Variants in DCC observed in about 807,000 individuals in gnomAD.
DCC encodes the protein DCC netrin 1 receptor.
Under a neutral mutation model 172.5 loss-of-function variants are expected in DCC, and 58 were observed. That is an observed-to-expected ratio of 0.34 (90% CI 0.27 to 0.42). DCC has a LOEUF of 0.42. Ranked by LOEUF, DCC falls within the 10% of genes least tolerant of loss-of-function variation. DCC has a pLI of 1.00. For missense variants in DCC, 1,740 were observed against 1,791.0 expected, an observed-to-expected ratio of 0.97 and a Z score of 0.51; for synonymous variants, 709 against 644.5, an observed-to-expected ratio of 1.10 and a Z score of -1.52.
At chr18:53,172,069 A>G (rs1296235284) in intron 8 of DCC, among the ~76,000 whole-genome samples, 3 of 152,170 alleles carry the variant, frequency 2.0e-5, no homozygotes, top group Non-Finnish European at 4.4e-5. Context: ...TTCTAACAAA[A>G]ACATCCATGC....
At chr18:52,894,773 A>C (rs1332973291) in intron 2 of DCC, among the ~76,000 whole-genome samples, 1 of 152,064 alleles carries the variant, frequency 6.6e-6, no homozygotes, top group Admixed American at 6.6e-5. Flanking sequence ...GCAGAAGATG[A>C]ATTTTCTTTT....
chr18:52,847,233 T>G (rs1162308125), intron 2 of DCC, among the ~76,000 whole-genome samples: 1 of 152,246 alleles, frequency 6.6e-6, no homozygotes, highest in Non-Finnish European at 1.5e-5. Context: ...GTTTCACACT[T>G]ATATTTGAAT....
chr18:53,318,752 G>GGTTT (rs1555651814), intron 13 of DCC, among the ~76,000 whole-genome samples: 37 of 132,124 alleles, frequency 2.8e-4, no homozygotes, highest in Admixed American at 5.4e-4. Context: ...TCTTCGTTGG[G>GGTTT]TTTTTTTTTT....
At chr18:52,706,377 A>G (rs1320048824) in intron 1 of DCC, among the ~76,000 whole-genome samples, 2 of 152,174 alleles carry the variant, frequency 1.3e-5, no homozygotes, top group Non-Finnish European at 2.9e-5. Context: ...AATGGTATTT[A>G]TTATGAAAAC....
chr18:52,692,163 C>T (rs1455850207), intron 1 of DCC, among the ~76,000 whole-genome samples: 1 of 152,120 alleles, frequency 6.6e-6, no homozygotes, highest in Non-Finnish European at 1.5e-5. Flanking sequence ...TTGGCCCTCC[C>T]TCAACCCACC....
intron 12 of DCC, among the ~76,000 whole-genome samples, chr18:53,248,706 A>G (rs533737277): frequency 6.6e-6 from 1 of 152,162 alleles, no homozygotes; most frequent in South Asian, 2.1e-4. Flanking sequence ...AGTTGCTAAT[A>G]TGTAATATCA....
chr18:52,718,092 TG>T lies in DCC; in HGVS notation c.92-33961del, dbSNP rs574778442. 2.4e-3 allele frequency among the ~76,000 whole-genome samples: 358 copies of T among 152,338 alleles called. 2 individuals are homozygous for T. The highest frequency in any genetic ancestry group is 3.9e-3 in the Admixed American group (60 of 15,300). Reference sequence around the variant, plus strand: ...GGACTTCTGGATACACAGAAGTTTCTGTTTGTCATCTGAATGTTGGCCGTAC... The same window carrying T: ...GGACTTCTGGATACACAGAAGTTTCTTTTGTCATCTGAATGTTGGCCGTAC... On this transcript the variant is annotated intron_variant, in intron 1 of 28. Transcript: ENST00000442544.
chr18:53,442,143 T>A (rs1912316689), intron 22 of DCC, among the ~76,000 whole-genome samples: 1 of 152,222 alleles, frequency 6.6e-6, no homozygotes, highest in African/African-American at 2.4e-5. Flanking sequence ...TAGCACTAGT[T>A]ATAATTGTAA....
At chr18:53,105,006 T>C (rs909221020) in intron 7 of DCC, among the ~76,000 whole-genome samples, 4 of 152,070 alleles carry the variant, frequency 2.6e-5, no homozygotes, top group Non-Finnish European at 4.4e-5. Context: ...CATTCTAGTT[T>C]TCATGCATGC....
At chr18:52,447,342 TTGGGAAGAC>T (rs1047232426) in intron 1 of DCC, among the ~76,000 whole-genome samples, 12 of 152,208 alleles carry the variant, frequency 7.9e-5, no homozygotes, top group African/African-American at 2.9e-4. Flanking sequence ...ATCATCATAG[TTGGGAAGAC>T]TGGGTATACA....
intron 1 of DCC, among the ~76,000 whole-genome samples, chr18:52,742,216 G>C (rs1160789867): frequency 6.6e-6 from 1 of 152,202 alleles, no homozygotes; most frequent in Non-Finnish European, 1.5e-5. Flanking sequence ...TGTTATGGCA[G>C]CTGAAGCAGA....
chr18:52,455,829 T>G (rs945220211), intron 1 of DCC, among the ~76,000 whole-genome samples: 2 of 152,166 alleles, frequency 1.3e-5, no homozygotes, highest in Admixed American at 6.5e-5. Flanking sequence ...AAGCATCCAA[T>G]GAATGTTAGC....
chr18:53,069,993 T>C (rs1351516097), intron 7 of DCC, among the ~76,000 whole-genome samples: 2 of 151,838 alleles, frequency 1.3e-5, no homozygotes, highest in Non-Finnish European at 2.9e-5. Flanking sequence ...CTTTTTTTTT[T>C]TTTTGAGACA....
At chr18:52,888,730 A>G (rs952300306) in intron 2 of DCC, among the ~76,000 whole-genome samples, 1 of 152,034 alleles carries the variant, frequency 6.6e-6, no homozygotes, top group Non-Finnish European at 1.5e-5. Flanking sequence ...TGCTTTTCCC[A>G]ATGAATTCAC....
At chr18:52,776,866 T>C (rs2037444275) in intron 2 of DCC, among the ~76,000 whole-genome samples, 1 of 152,146 alleles carries the variant, frequency 6.6e-6, no homozygotes. Flanking sequence ...TAAAATACAT[T>C]GTCAGATGCA....
At chr18:53,112,467 A>G (rs1016236978) in intron 7 of DCC, among the ~76,000 whole-genome samples, 4 of 151,658 alleles carry the variant, frequency 2.6e-5, no homozygotes, top group Admixed American at 1.3e-4. Context: ...AATAAATGGC[A>G]GCTTCTGGAT....
At chr18:53,472,508 CT>C (rs2045709805) in intron 25 of DCC, among the ~76,000 whole-genome samples, 1 of 152,126 alleles carries the variant, frequency 6.6e-6, no homozygotes. Context: ...TCATTTATTG[CT>C]TTCTTCTCAA....
chr18:53,466,056 G>T (rs578091041), intron 24 of DCC, among the ~76,000 whole-genome samples: 2 of 152,004 alleles, frequency 1.3e-5, no homozygotes, highest in African/African-American at 2.4e-5. Flanking sequence ...GAGCCACCAC[G>T]CCCAGCCAAA....
intron 2 of DCC, among the ~76,000 whole-genome samples, chr18:52,843,058 G>C (rs577049367): frequency 6.5e-4 from 99 of 152,222 alleles, no homozygotes; most frequent in African/African-American, 2.3e-3. Context: ...TGTAAGGTCA[G>C]GATTTGAGTT....
Sources: allele counts gnomAD v4.1 joint callset (sites outside exome capture counted in the v4.1 genomes callset), GRCh38; gene constraint gnomAD v4.1.1; transcripts MANE v1.5; gene names NCBI Gene and HGNC (gene_info 2026-07-23, HGNC 2026-07-21).